ADGRL2: variants seen among roughly 807,000 people sequenced by gnomAD.
ADGRL2 encodes the protein calcium-independent alpha-latrotoxin receptor 2.
In ADGRL2, 44 loss-of-function variants were observed where a neutral mutation model predicts 157.4. The observed-to-expected ratio is 0.28, with a 90% CI of 0.22 to 0.36. The LOEUF is 0.36. Ranked by LOEUF, ADGRL2 falls within the 10% of genes least tolerant of loss-of-function variation. The pLI, the probability that ADGRL2 is intolerant of heterozygous loss-of-function variation, is 1.00. For synonymous variants in ADGRL2, 585 were observed against 624.7 expected (o/e 0.94, Z 0.95); for missense variants, 1,510 against 1,768.9 (o/e 0.85, Z 2.63).
chr1:81,313,610 T>A (rs1032509303), intron 1 of ADGRL2, among the ~76,000 whole-genome samples: 3 of 152,180 alleles, frequency 2.0e-5, no homozygotes, highest in African/African-American at 7.2e-5. Flanking sequence ...AAAGGCAGAT[T>A]GCAAACTTTT....
chr1:81,803,631 G>C (rs952126595), intron 1 of ADGRL2, among the ~76,000 whole-genome samples: 1 of 151,886 alleles, frequency 6.6e-6, no homozygotes, highest in Admixed American at 6.6e-5. Context: ...TTTTCCTCCT[G>C]TTTCTTGAAA....
intron 1 of ADGRL2, among the ~76,000 whole-genome samples, chr1:81,759,117 AT>A (rs2149298413): frequency 6.6e-6 from 1 of 152,260 alleles, no homozygotes; most frequent in South Asian, 2.1e-4. Flanking sequence ...TCCAGGTTTG[AT>A]TAGATTTTGA....
rs771629169 is a variant in ADGRL2 at position 81,970,546 on chromosome 1, C to A, written c.2954+12C>A. On this transcript the variant is annotated intron_variant, in intron 16 of 23. Coordinates refer to ENST00000686636, the MANE Select transcript of ADGRL2 (RefSeq NM_001366006.2). Reference sequence around the variant, plus strand: ...GGAACAGAAAAAGCGTAAGTAATTGCAAGCGACCTGAGTGTTTTTCAAGTG... The same window carrying A: ...GGAACAGAAAAAGCGTAAGTAATTGAAAGCGACCTGAGTGTTTTTCAAGTG... 15 of 1,591,732 alleles carry A rather than the reference C, an allele frequency of 9.4e-6. No individual in the cohort carries two copies. The Admixed American group carries it at 2.5e-4, about 27-fold the overall frequency.
intron 1 of ADGRL2, among the ~76,000 whole-genome samples, chr1:81,308,795 C>T (rs1298184006): frequency 6.6e-6 from 1 of 152,134 alleles, no homozygotes; most frequent in Non-Finnish European, 1.5e-5. Context: ...AACTATGCAT[C>T]CAAAATAAAA....
At chr1:81,863,222 G>C (rs1027042269) in intron 2 of ADGRL2, among the ~76,000 whole-genome samples, 1 of 151,978 alleles carries the variant, frequency 6.6e-6, no homozygotes, top group African/African-American at 2.4e-5. Flanking sequence ...TTCTCACTTT[G>C]GGCCCTGTCA....
intron 3 of ADGRL2, among the ~76,000 whole-genome samples, chr1:81,931,074 G>A (rs894898540): frequency 5.9e-5 from 9 of 152,132 alleles, no homozygotes; most frequent in African/African-American, 9.7e-5. Flanking sequence ...GCTTGACCCC[G>A]GGAGGCCAAG....
At chr1:81,568,138 TA>T (rs1355553057) in intron 2 of ADGRL2, among the ~76,000 whole-genome samples, 3 of 152,112 alleles carry the variant, frequency 2.0e-5, no homozygotes, top group Non-Finnish European at 2.9e-5. Flanking sequence ...ATTTTCTCTT[TA>T]AAAAAATTAT....
Position 81,757,713 on chromosome 1 carries a change from T to C in ADGRL2, c.-142-4098T>C, listed in dbSNP as rs78106284. On this transcript the variant is annotated intron_variant, in intron 1 of 20. Coordinates refer to the ADGRL2 transcript ENST00000359929. Reference sequence around the variant, plus strand: ...CTCAATTAAACTACTTTAAAGTTAATTTGGCTGAAGTTTTTATTTTATCAA... The same window carrying C: ...CTCAATTAAACTACTTTAAAGTTAACTTGGCTGAAGTTTTTATTTTATCAA... Among the ~76,000 whole-genome samples, 35 of 152,346 alleles carry C rather than the reference T, an allele frequency of 2.3e-4. No individual in the cohort carries two copies. The East Asian group carries it at 6.4e-3, about 28-fold the overall frequency.
intron 1 of ADGRL2, among the ~76,000 whole-genome samples, chr1:81,759,527 C>T (rs757160202): frequency 1.2e-4 from 18 of 152,206 alleles, no homozygotes; most frequent in South Asian, 4.1e-4. Flanking sequence ...CATTTTAAAT[C>T]AGAATTCAGG....
intron 3 of ADGRL2, among the ~76,000 whole-genome samples, chr1:81,584,365 T>C (rs1231902547): frequency 6.6e-6 from 1 of 151,932 alleles, no homozygotes; most frequent in Admixed American, 6.6e-5. Context: ...TTTAAAACTT[T>C]CATTTTTACT....
At chr1:81,579,788 A>G (rs1049386384) in intron 2 of ADGRL2, among the ~76,000 whole-genome samples, 4 of 152,040 alleles carry the variant, frequency 2.6e-5, no homozygotes, top group African/African-American at 7.2e-5. Context: ...CTGAGATGCA[A>G]TTTAAGATCT....
At chr1:81,455,604 T>C (rs752583400) in intron 2 of ADGRL2, among the ~76,000 whole-genome samples, 18 of 152,208 alleles carry the variant, frequency 1.2e-4, no homozygotes, top group Non-Finnish European at 2.5e-4. Context: ...GTTCTGCTTA[T>C]TTGTTTTTTA....
chr1:81,990,259 G>T, intron 23 of ADGRL2, 132 bp from the exon 24 acceptor site: 1 of 1,496,398 alleles, frequency 6.7e-7, no homozygotes. Flanking sequence ...AGGAAAGCCT[G>T]GCACTTTTCA....
Position 81,539,252 on chromosome 1 carries a change from G to A in ADGRL2, c.-247-41624G>A, listed in dbSNP as rs186554180. On this transcript the variant is annotated intron_variant, in intron 2 of 24. Coordinates refer to the ADGRL2 transcript ENST00000370721. ...TAACACAATTACCACCTCTAGTCCT[G>A]TCCACTAAATTCCCTCCTTCAATTA... 5.3e-5 allele frequency among the ~76,000 whole-genome samples: 8 copies of A among 152,012 alleles called. No homozygotes were observed. In the South Asian group the frequency reaches 1.2e-3, roughly 24 times the overall value.
intron 2 of ADGRL2, among the ~76,000 whole-genome samples, chr1:81,476,941 G>A (rs61773171): frequency 0.027 from 4,140 of 152,156 alleles, 84 homozygotes; most frequent in Non-Finnish European, 0.041. Context: ...CCTAGTCCAG[G>A]TACCCTAAAT....
At chr1:81,348,638 C>T (rs1662654191) in intron 1 of ADGRL2, among the ~76,000 whole-genome samples, 1 of 152,044 alleles carries the variant, frequency 6.6e-6, no homozygotes, top group Non-Finnish European at 1.5e-5. Context: ...GAATAAATAG[C>T]ACCACCACCA....
intron 2 of ADGRL2, among the ~76,000 whole-genome samples, chr1:81,563,237 A>C (rs1187349510): frequency 6.6e-6 from 1 of 152,202 alleles, no homozygotes; most frequent in Non-Finnish European, 1.5e-5. Context: ...GTAAGGCATT[A>C]CACATCAGTT....
At chr1:81,965,678 G>A (rs955173931) in intron 11 of ADGRL2, among the ~76,000 whole-genome samples, 3 of 152,074 alleles carry the variant, frequency 2.0e-5, no homozygotes, top group African/African-American at 7.2e-5. Flanking sequence ...AATATAAAGA[G>A]CCAAAAAATA....
intron 1 of ADGRL2, among the ~76,000 whole-genome samples, chr1:81,340,559 T>G (rs1661998980): frequency 6.6e-6 from 1 of 152,132 alleles, no homozygotes; most frequent in Admixed American, 6.5e-5. Flanking sequence ...ATTCACACAT[T>G]ATCTATGGCC....
Sources: allele counts gnomAD v4.1 joint callset (sites outside exome capture counted in the v4.1 genomes callset), GRCh38; gene constraint gnomAD v4.1.1; transcripts MANE v1.5; gene names NCBI Gene and HGNC (gene_info 2026-07-23, HGNC 2026-07-21).